MAGI3: variants seen among roughly 807,000 people sequenced by gnomAD.
MAGI3 encodes membrane-associated guanylate kinase, WW and PDZ domain-containing protein 3.
Under a neutral mutation model 121.8 loss-of-function variants are expected in MAGI3, and 43 were observed. That is an observed-to-expected ratio of 0.35 (90% confidence interval 0.28 to 0.46). The LOEUF is 0.46. Among genes scored for constraint, MAGI3 ranks in the 20% least tolerant of loss-of-function variants. The pLI, the probability that MAGI3 is intolerant of heterozygous loss-of-function variation, is 1.00. For synonymous variants in MAGI3, 553 were observed against 639.3 expected (o/e 0.86, Z 2.04); for missense variants, 1,547 against 1,797.3 (o/e 0.86, Z 2.52).
chr1:113,458,108 T>C (rs1252932952), intron 1 of MAGI3, among the ~76,000 whole-genome samples: 1 of 152,198 alleles, frequency 6.6e-6, no homozygotes. Context: ...GATTGTTTGT[T>C]TGTTTTTCAA....
At chr1:113,623,158 AT>A (rs1650946267) in intron 9 of MAGI3, among the ~76,000 whole-genome samples, 164 bp downstream of exon 9, 1 of 151,988 alleles carries the variant, frequency 6.6e-6, no homozygotes, top group South Asian at 2.1e-4. Flanking sequence ...AAAAAGTTGT[AT>A]GGGTATACAG....
chr1:113,680,506 C>A (rs1421258289), intron 19 of MAGI3, among the ~76,000 whole-genome samples: 1 of 152,088 alleles, frequency 6.6e-6, no homozygotes, highest in Non-Finnish European at 1.5e-5. Context: ...GCCTGTAATC[C>A]CAGCACTTTA....
At chr1:113,531,375 T>C (rs1658711305) in intron 1 of MAGI3, among the ~76,000 whole-genome samples, 1 of 152,156 alleles carries the variant, frequency 6.6e-6, no homozygotes, top group Non-Finnish European at 1.5e-5. Context: ...TTAGGTTTAA[T>C]TTTTAAGTTC....
At chr1:113,467,958 C>T (rs1005224650) in intron 1 of MAGI3, among the ~76,000 whole-genome samples, 1 of 152,088 alleles carries the variant, frequency 6.6e-6, no homozygotes, top group Non-Finnish European at 1.5e-5. Flanking sequence ...GCTAAAATGA[C>T]CTTTCTCATT....
chr1:113,551,369 T>C (rs1175677069), intron 2 of MAGI3, among the ~76,000 whole-genome samples: 3 of 152,192 alleles, frequency 2.0e-5, no homozygotes, highest in Non-Finnish European at 4.4e-5. Flanking sequence ...CTCAGCACTA[T>C]AGGAAAGGGA....
Position 113,416,331 on chromosome 1 carries a change from T to TTAATTATGTAATTAATTATAC in MAGI3, c.316+24982_316+24983insTAATTATGTAATTAATTATAC, listed in dbSNP as rs1557744636. Among the ~76,000 whole-genome samples the TTAATTATGTAATTAATTATAC allele has an allele frequency of 6.1e-4, 45 of 73,548 alleles. 5 individuals carry two copies. In the South Asian group the frequency reaches 0.015, roughly 24 times the overall value. 48.3% of individuals were successfully genotyped at this position (73,548 alleles called of 152,430 possible). On this transcript the variant is annotated intron_variant, in intron 1 of 20. Coordinates refer to ENST00000307546, the MANE Select transcript of MAGI3 (RefSeq NM_001142782.2). ...GTAATTAATTATGTAATTAATTATATATCAATCATATATTAATTATATATT... is the reference window on the plus strand; with the variant it reads ...GTAATTAATTATGTAATTAATTATATTAATTATGTAATTAATTATACATCAATCATATATTAATTATATATT...
rs1041761695 is a variant in MAGI3 at position 113,658,908 on chromosome 1, G to A, written c.2630-172G>A. ...TATTTATGCATGTGGGCAAAAGTGA[G>A]AAGTATGAAAATAGTTCCGTTTGGA... On this transcript the variant is annotated intron_variant, in intron 15 of 20. Transcript: ENST00000307546. The surrounding 1 kb of genome is among the most constrained non-coding windows in gnomAD (Gnocchi z 4.0). Among the ~76,000 whole-genome samples, 2 of 152,190 alleles carry A rather than the reference G, an allele frequency of 1.3e-5. No homozygotes were observed. The highest frequency in any genetic ancestry group is 2.9e-5 in the Non-Finnish European group (2 of 68,034).
At chr1:113,559,084 A>G (rs754093715) in intron 2 of MAGI3, among the ~76,000 whole-genome samples, 13 of 152,202 alleles carry the variant, frequency 8.5e-5, no homozygotes, top group Non-Finnish European at 1.5e-4. Flanking sequence ...ATCATTACCA[A>G]CCACTACAAA....
intron 1 of MAGI3, among the ~76,000 whole-genome samples, chr1:113,474,121 T>C (rs200458239): frequency 6.6e-6 from 1 of 152,212 alleles, no homozygotes; most frequent in Non-Finnish European, 1.5e-5. Context: ...GTTGTTTTTT[T>C]CTTGTAAATT....
chr1:113,682,312 C>T (rs758661168), intron 20 of MAGI3: 234 of 1,585,400 alleles, frequency 1.5e-4, no homozygotes, highest in Non-Finnish European at 1.9e-4. Flanking sequence ...GGTAAATTTG[C>T]ATGTCTTGTA....
At chr1:113,533,018 C>T (rs1658797343) in intron 1 of MAGI3, among the ~76,000 whole-genome samples, 1 of 152,090 alleles carries the variant, frequency 6.6e-6, no homozygotes, top group Admixed American at 6.6e-5. Flanking sequence ...TGTACCTCTC[C>T]CCTGTATCTA....
At chr1:113,491,544 A>G (rs925309373) in intron 1 of MAGI3, among the ~76,000 whole-genome samples, 3 of 152,198 alleles carry the variant, frequency 2.0e-5, no homozygotes, top group African/African-American at 7.2e-5. Context: ...ACTGAAGGAT[A>G]TGGAGACATG....
chr1:113,553,953 G>C (rs902678752), intron 2 of MAGI3, among the ~76,000 whole-genome samples: 8 of 152,232 alleles, frequency 5.3e-5, no homozygotes, highest in Non-Finnish European at 1.2e-4. Flanking sequence ...AGGTTGCAGT[G>C]AGCCGAGATC....
intron 1 of MAGI3, among the ~76,000 whole-genome samples, chr1:113,484,493 T>G (rs564316821): frequency 3.9e-5 from 6 of 152,280 alleles, no homozygotes; most frequent in African/African-American, 1.4e-4. Context: ...AGTGAGAACA[T>G]ACGATGTTTC....
chr1:113,414,898 A>G lies in MAGI3; in HGVS notation c.316+23549A>G, dbSNP rs191546065. Among the ~76,000 whole-genome samples, 5 of 152,226 alleles carry G rather than the reference A, an allele frequency of 3.3e-5. No individual in the cohort carries two copies. In the East Asian group the frequency reaches 5.8e-4, roughly 18 times the overall value. ...TAAATAAATGATGCTTATGTGTAAG[A>G]CACTGCTGGATATTATAAAAGACTT... On this transcript the variant is annotated intron_variant, in intron 1 of 20. Coordinates refer to ENST00000307546, the MANE Select transcript of MAGI3 (RefSeq NM_001142782.2).
intron 1 of MAGI3, among the ~76,000 whole-genome samples, chr1:113,477,378 C>G (rs1277005325): frequency 6.6e-6 from 1 of 152,150 alleles, no homozygotes; most frequent in Non-Finnish European, 1.5e-5. Context: ...TTGTTTCTTT[C>G]CATGTTTAGT....
rs1040109257 is a variant in MAGI3, at chr1:113,671,971, A to T, written c.2918+135A>T. ...GCCAGCTGTTGAGGTCAAAATGACA[A>T]CTCTTGCCTGTTCCTCAAATACCGT... On this transcript the variant is annotated intron_variant, in intron 17 of 20. Transcript: ENST00000307546. 1.2e-5 allele frequency: 9 copies of T among 758,172 alleles called. No individual in the cohort carries two copies. The Admixed American group carries it at 1.5e-4, about 13-fold the overall frequency. The allele number at this position is 758,172 out of a possible 1,614,324, so 47.0% of individuals were successfully genotyped here.
intron 5 of MAGI3, among the ~76,000 whole-genome samples, chr1:113,592,087 A>G (rs1023126067): frequency 6.6e-6 from 1 of 152,154 alleles, no homozygotes; most frequent in African/African-American, 2.4e-5. Context: ...AATGGACTAC[A>G]TCAAACTTAA....
At chr1:113,551,589 G>T (rs1452714957) in intron 2 of MAGI3, among the ~76,000 whole-genome samples, 2 of 151,992 alleles carry the variant, frequency 1.3e-5, no homozygotes, top group Non-Finnish European at 2.9e-5. Context: ...ATTTGTATTT[G>T]CCTGATGTGT....
Sources: gnomAD v4.1 joint callset for allele counts (sites outside exome capture counted in the v4.1 genomes callset) on GRCh38, gnomAD v4.1.1 for gene constraint, Gnocchi (gnomAD v3.1) non-coding constraint, MANE v1.5 for transcripts, NCBI Gene and HGNC (gene_info 2026-07-23, HGNC 2026-07-21) for gene names.